The following ARID4B variants were observed in gnomAD, a reference collection of about 807,000 sequenced individuals.
ARID4B encodes AT-rich interaction domain 4B.
A neutral mutation model predicts 147.5 loss-of-function variants in ARID4B; 26 were observed. The ratio of observed to expected loss-of-function variants is 0.18; its 90% CI spans 0.13 to 0.24. ARID4B has a LOEUF of 0.24. Among genes scored for constraint, ARID4B ranks in the 10% least tolerant of loss-of-function variants. The probability of loss-of-function intolerance (pLI) is 1.00; values close to 1 mark genes in which losing one functional copy is unlikely to be tolerated. For synonymous variants in ARID4B, 512 were observed against 507.9 expected (o/e 1.01, Z -0.11); for missense variants, 1,179 against 1,511.5 (o/e 0.78, Z 3.65).
intron 17 of ARID4B, among the ~76,000 whole-genome samples, chr1:235,198,825 C>T (rs1448445314): frequency 6.6e-6 from 1 of 152,166 alleles, no homozygotes; most frequent in South Asian, 2.1e-4. Flanking sequence ...TGGGGCCGGG[C>T]GCAGTGGCTA....
At position 235,217,114 on chromosome 1, in the gene ARID4B, T is replaced by A. The variant is rs577027852; in HGVS notation, c.1583+2679A>T. 5.3e-4 allele frequency among the ~76,000 whole-genome samples: 81 copies of A among 152,286 alleles called. 2 individuals are homozygous for A. Among genetic ancestry groups the A allele is most frequent in the African/African-American group, 1.6e-3 (68 of 41,560 alleles). ...CTACAACAAAAACCCAACACTCTTT[T>A]ATTAATGAAATCAAGCAATCAAAAA... On this transcript the variant is annotated intron_variant, in intron 16 of 23. Transcript: ENST00000264183.
intron 2 of ARID4B, among the ~76,000 whole-genome samples, chr1:235,303,977 GCAT>G (rs1199300350): frequency 2.0e-5 from 3 of 152,094 alleles, no homozygotes; most frequent in Non-Finnish European, 4.4e-5. Context: ...TATTTTACAT[GCAT>G]CATCATATTT....
intron 17 of ARID4B, among the ~76,000 whole-genome samples, chr1:235,206,974 T>C (rs1666345673): frequency 6.6e-6 from 1 of 152,152 alleles, no homozygotes. Flanking sequence ...TGGGAATGAC[T>C]CAGAACAGAG....
chr1:235,252,613 T>C lies in ARID4B; in HGVS notation c.354+117A>G, dbSNP rs374092680. 398 of 718,686 alleles carry C rather than the reference T, an allele frequency of 5.5e-4. 2 individuals are homozygous for C. Among genetic ancestry groups the C allele is most frequent in the African/African-American group, 4.2e-3 (236 of 55,780 alleles). 44.5% of individuals were successfully genotyped at this position (718,686 alleles called of 1,614,324 possible). On this transcript the variant is annotated intron_variant, in intron 6 of 23. Transcript: ENST00000264183. ...CTTCACAGATTACATCATAAGGGTA[T>C]TGTGTATTAATGAACTTTCCTGATT...
chr1:235,304,546 G>A (rs1327646538), intron 2 of ARID4B, among the ~76,000 whole-genome samples: 1 of 152,110 alleles, frequency 6.6e-6, no homozygotes, highest in African/African-American at 2.4e-5. Flanking sequence ...TAGAGATTAA[G>A]ACAGATTCAA....
chr1:235,193,403 A>G (rs989873343), intron 19 of ARID4B, among the ~76,000 whole-genome samples: 2 of 152,206 alleles, frequency 1.3e-5, no homozygotes, highest in African/African-American at 4.8e-5. Flanking sequence ...TCTCAAAGAA[A>G]CAGAGATCAT....
In ARID4B at chr1:235,230,142, C is replaced by T. The variant is rs760624647; in HGVS notation, c.743-757G>A. Among the ~76,000 whole-genome samples the T allele has an allele frequency of 9.9e-5, 15 of 152,226 alleles. No homozygotes were observed. The Middle Eastern group carries it at 0.01, about 104-fold the overall frequency. On this transcript the variant is annotated intron_variant, in intron 10 of 23. Transcript: ENST00000264183. ...AAATTACTTTGATTCCTCAGTCAGG[C>T]GTGATGGCTTATGCCTGTAATCCCA...
In ARID4B at chr1:235,219,903, A is replaced by C; in HGVS notation, c.1473T>G (p.Ile491Met). 3.8e-6 allele frequency: 6 copies of C among 1,596,670 alleles called. No homozygotes were observed. The highest frequency in any genetic ancestry group is 5.1e-6 in the Non-Finnish European group (6 of 1,166,462). ...THSDQEKEVNIKKPEDNENLD... is the reference protein window; with the variant it reads ...THSDQEKEVNMKKPEDNENLD... ...GATTTTCATTGTCTTCTGGTTTTTT[A>C]ATGTTAACTTCTTTTTCCTGATCAG... is the stretch of plus-strand genomic sequence containing the variant. Residue 491 changes from isoleucine to methionine, a missense_variant, in exon 16 of 24, where the codon ATT becomes ATG. By Grantham distance (10) the Ile-to-Met change is conservative (BLOSUM62 1). Coordinates refer to ENST00000264183, the MANE Select transcript of ARID4B (RefSeq NM_016374.6).
chr1:235,321,363 C>T (rs992254491), intron 2 of ARID4B, among the ~76,000 whole-genome samples: 1 of 152,174 alleles, frequency 6.6e-6, no homozygotes, highest in Admixed American at 6.5e-5. Flanking sequence ...TTAACCAAGC[C>T]TCTGACTTCA....
rs772853750 is a variant in ARID4B, at chr1:235,255,267, A to ATCTATCTATC, written c.274+392_274+393insGATAGATAGA. On this transcript the variant is annotated intron_variant, in intron 5 of 23. Transcript: ENST00000264183. ...GATAGATAGATAGATAGATAGATATATATCTCTCTCTCTCTCTCTCTATAT... is the reference window on the plus strand; with the variant it reads ...GATAGATAGATAGATAGATAGATATATCTATCTATCTATCTCTCTCTCTCTCTCTCTATAT... 4.1e-3 allele frequency among the ~76,000 whole-genome samples: 567 copies of ATCTATCTATC among 137,212 alleles called. 7 individuals are homozygous for ATCTATCTATC. The highest frequency in any genetic ancestry group is 4.8e-3 in the Non-Finnish European group (306 of 63,102). 90.0% of individuals were successfully genotyped at this position (137,212 alleles called of 152,430 possible). A position where few individuals can be genotyped will look rare whatever the true frequency, so the allele number is the denominator to read the frequency against.
chr1:235,172,814 C>T, intron 22 of ARID4B, 50 bp from the exon 23 acceptor site: 1 of 1,406,938 alleles, frequency 7.1e-7, no homozygotes, highest in East Asian at 2.6e-5. Context: ...AAAATTTTAA[C>T]ATACAAAAAG....
Position 235,264,487 on chromosome 1 carries a change from G to A in ARID4B, c.7-3735C>T, listed in dbSNP as rs546264392. ...CAGACTGATTAATAGCACAGGCTTTGAAAGCAGAGAGGCAAGGTCCTAATC... is the reference window on the plus strand; with the variant it reads ...CAGACTGATTAATAGCACAGGCTTTAAAAGCAGAGAGGCAAGGTCCTAATC... On this transcript the variant is annotated intron_variant, in intron 2 of 23. Transcript: ENST00000264183. Among the ~76,000 whole-genome samples the A allele has an allele frequency of 5.3e-5, 8 of 152,276 alleles. No individual in the cohort carries two copies. The South Asian group carries it at 1.2e-3, about 24-fold the overall frequency.
intron 3 of ARID4B, among the ~76,000 whole-genome samples, chr1:235,258,174 T>C (rs1670099347): frequency 6.6e-6 from 1 of 151,910 alleles, no homozygotes; most frequent in African/African-American, 2.4e-5. Context: ...CTATTAAAAA[T>C]ACAAAAATTA....
At chr1:235,177,030 A>G (rs1663934962) in intron 21 of ARID4B, 1 of 446,052 alleles carries the variant, frequency 2.2e-6, no homozygotes, top group South Asian at 1.6e-5. Flanking sequence ...AGTCGTTGCT[A>G]AAGTTGGAGC....
intron 2 of ARID4B, among the ~76,000 whole-genome samples, chr1:235,319,866 C>A (rs1424939693): frequency 6.6e-6 from 1 of 152,070 alleles, no homozygotes; most frequent in African/African-American, 2.4e-5. Flanking sequence ...AGGTGACTCA[C>A]ACCTGTAATC....
chr1:235,173,071 C>G (rs1663481639), intron 22 of ARID4B, among the ~76,000 whole-genome samples: 2 of 152,120 alleles, frequency 1.3e-5, no homozygotes, highest in Non-Finnish European at 2.9e-5. Flanking sequence ...TGGGGCTGGG[C>G]ACGGTGGCTC....
At chr1:235,266,833 C>T (rs1670640447) in intron 2 of ARID4B, among the ~76,000 whole-genome samples, 1 of 152,140 alleles carries the variant, frequency 6.6e-6, no homozygotes, top group African/African-American at 2.4e-5. Context: ...CTAGGAAATA[C>T]TCAATTATTC....
intron 2 of ARID4B, among the ~76,000 whole-genome samples, chr1:235,305,917 G>A (rs969542470): frequency 5.9e-5 from 9 of 152,290 alleles, no homozygotes; most frequent in Non-Finnish European, 7.4e-5. Flanking sequence ...CCATGATCAC[G>A]CTACTATATT....
chr1:235,182,535 T>A lies in ARID4B; in HGVS notation c.2384A>T (p.Tyr795Phe). 1 of 1,613,150 alleles carries A rather than the reference T, an allele frequency of 6.2e-7. No individual in the cohort carries two copies. Among genetic ancestry groups the A allele is most frequent in the Non-Finnish European group, 8.5e-7 (1 of 1,179,838 alleles). The change falls in exon 20 of 24, where the codon TAT becomes TTT. Residue 795 changes from tyrosine to phenylalanine, a missense_variant. By Grantham distance (22) the Tyr-to-Phe change is conservative. This residue lies in a region of ARID4B where 321 missense variants were observed against 342.4 expected (regional missense o/e 0.94). Transcript: ENST00000264183. The stretch of plus-strand genomic sequence containing the variant: ...CTTTTTTGTGACTTCATCTTCTTCA[T>A]AATCAGTATCTTCGGATAATACTTC... ...DIEVLSEDTD[Y>F]EEDEVTKKRK... is the part of the protein sequence containing the mutation.
Sources: gnomAD v4.1 joint callset for allele counts (sites outside exome capture counted in the v4.1 genomes callset) on GRCh38, gnomAD v4.1.1 for gene constraint, gnomAD v4.1.1 regional missense constraint, MANE v1.5 for transcripts, NCBI Gene and HGNC (gene_info 2026-07-23, HGNC 2026-07-21) for gene names.